Variants in EPHB2 observed in about 807,000 individuals in gnomAD.
The protein encoded by EPHB2 is EPH receptor B2, also known as ephrin type-B receptor 2.
EPHB2 carries 18 observed loss-of-function variants against 96.4 expected under a neutral mutation model. The ratio of observed to expected loss-of-function variants is 0.19; its 90% confidence interval spans 0.13 to 0.28. The LOEUF (loss-of-function observed/expected upper bound fraction) is 0.28, where lower values mean the gene tolerates loss of function less well. Ranked by LOEUF, EPHB2 falls within the 10% of genes least tolerant of loss-of-function variation. EPHB2 has a pLI of 1.00. For missense variants in EPHB2, 989 were observed against 1,355.4 expected (o/e 0.73, Z 4.25); for synonymous variants, 506 against 534.1 (o/e 0.95, Z 0.72).
chr1:22,760,982 T>A (rs1002266502), intron 1 of EPHB2, among the ~76,000 whole-genome samples: 1 of 152,158 alleles, frequency 6.6e-6, no homozygotes, highest in Non-Finnish European at 1.5e-5. Context: ...ATCCCAATGT[T>A]GAGCCAGGTG....
At chr1:22,828,751 C>T (rs1261887838) in intron 3 of EPHB2, among the ~76,000 whole-genome samples, 1 of 152,198 alleles carries the variant, frequency 6.6e-6, no homozygotes, top group Non-Finnish European at 1.5e-5. Context: ...ATGTTGCAAT[C>T]ATTTAATCAT....
At chr1:22,736,817 A>T (rs1318208221) in intron 1 of EPHB2, among the ~76,000 whole-genome samples, 1 of 152,074 alleles carries the variant, frequency 6.6e-6, no homozygotes, top group Non-Finnish European at 1.5e-5. Flanking sequence ...GCCTAGGAGG[A>T]TAATGGAGCT....
At chr1:22,786,602 C>T (rs1644614103) in intron 3 of EPHB2, among the ~76,000 whole-genome samples, 1 of 152,160 alleles carries the variant, frequency 6.6e-6, no homozygotes, top group Non-Finnish European at 1.5e-5. Flanking sequence ...TTCAAGATAC[C>T]TAGAAGGACA....
intron 1 of EPHB2, among the ~76,000 whole-genome samples, chr1:22,770,883 G>A (rs1242229673): frequency 6.6e-6 from 1 of 152,102 alleles, no homozygotes; most frequent in Non-Finnish European, 1.5e-5. Context: ...AGGGTGGGTA[G>A]GTGGATGGAT....
chr1:22,739,869 G>A (rs1331101652), intron 1 of EPHB2, among the ~76,000 whole-genome samples: 1 of 152,154 alleles, frequency 6.6e-6, no homozygotes, highest in African/African-American at 2.4e-5. Context: ...ATAACCTGAC[G>A]CTGCGGAAAG....
At chr1:22,767,820 C>T (rs1245127564) in intron 1 of EPHB2, among the ~76,000 whole-genome samples, 1 of 152,198 alleles carries the variant, frequency 6.6e-6, no homozygotes, top group African/African-American at 2.4e-5. Context: ...CATTGCCTCT[C>T]AGGGTACCAG....
chr1:22,850,487 A>T lies in EPHB2; in HGVS notation c.812-12550A>T, dbSNP rs549313305. ...CCACTACACCACCTGTCAATACAGC[A>T]GCCAGATGTGCGGGAGGGGCCTGGG... On this transcript the variant is annotated intron_variant, in intron 3 of 15. Transcript: ENST00000374630. Among the ~76,000 whole-genome samples, 3 of 152,322 alleles carry T rather than the reference A, an allele frequency of 2.0e-5. No individual in the cohort carries two copies. The East Asian group carries it at 5.8e-4, about 29-fold the overall frequency.
chr1:22,723,826 C>T (rs1208600650), intron 1 of EPHB2, among the ~76,000 whole-genome samples: 2 of 152,198 alleles, frequency 1.3e-5, no homozygotes, highest in African/African-American at 4.8e-5. Flanking sequence ...TTTACCAAGC[C>T]TCTCTCATCC....
At position 22,906,682 on chromosome 1, in the gene EPHB2, CCTGT is replaced by C. The variant is rs755166115; in HGVS notation, c.1889-21_1889-18del. 3.7e-6 allele frequency: 6 copies of C among 1,613,962 alleles called. No individual in the cohort carries two copies. The South Asian group carries it at 5.5e-5, about 15-fold the overall frequency. ...GGCCCTTCCACCTGGCAAGTGACATCCTGTCTGTCTTGGTGTTTCTCTCTCAGGG... is the reference window on the plus strand; with the variant it reads ...GGCCCTTCCACCTGGCAAGTGACATCCTGTCTTGGTGTTTCTCTCTCAGGG... On this transcript the variant is annotated intron_variant, in intron 10 of 15. Transcript: ENST00000374630. This position sits in a 1 kb window ranked among gnomAD's most constrained non-coding sequence, Gnocchi z 4.8.
chr1:22,740,668 C>T (rs774407393), intron 1 of EPHB2, among the ~76,000 whole-genome samples: 12 of 152,182 alleles, frequency 7.9e-5, no homozygotes, highest in Non-Finnish European at 1.3e-4. Context: ...ATTCCTGGAA[C>T]TCACCTGACC....
chr1:22,810,129 G>T (rs2817876), intron 3 of EPHB2, among the ~76,000 whole-genome samples: 15,851 of 152,140 alleles, frequency 0.1, 2,639 homozygotes, highest in African/African-American at 0.35. Context: ...GGTAAGATCG[G>T]TGGGGTTGGG....
At chr1:22,735,040 G>A (rs1643796189) in intron 1 of EPHB2, among the ~76,000 whole-genome samples, 1 of 152,182 alleles carries the variant, frequency 6.6e-6, no homozygotes, top group Non-Finnish European at 1.5e-5. Flanking sequence ...ACTGACTAAG[G>A]CTGCACAGCA....
intron 3 of EPHB2, among the ~76,000 whole-genome samples, chr1:22,801,202 C>T (rs1644838359): frequency 6.6e-6 from 1 of 152,184 alleles, no homozygotes; most frequent in Admixed American, 6.5e-5. Flanking sequence ...AAGCCCCTGC[C>T]AAGGCTGGAG....
At chr1:22,775,805 G>A (rs552669619) in intron 1 of EPHB2, among the ~76,000 whole-genome samples, 4 of 152,228 alleles carry the variant, frequency 2.6e-5, no homozygotes, top group Non-Finnish European at 5.9e-5. Context: ...TGAGGAAGAT[G>A]CTCTGGGCTG....
In EPHB2 at chr1:22,853,009, G is replaced by A. The variant is rs577547602; in HGVS notation, c.812-10028G>A. Among the ~76,000 whole-genome samples the A allele has an allele frequency of 2.6e-5, 4 of 152,218 alleles. No homozygotes were observed. In the South Asian group the frequency reaches 6.2e-4, roughly 24 times the overall value. ...GAGCTCAGAGGATTCCAGAGGCCTC[G>A]AGCAAAATCTCCAGTCCACACACAA... On this transcript the variant is annotated intron_variant, in intron 3 of 15. Transcript: ENST00000374630.
intron 3 of EPHB2, among the ~76,000 whole-genome samples, chr1:22,859,593 G>A (rs1012126807): frequency 3.9e-5 from 6 of 152,168 alleles, no homozygotes; most frequent in South Asian, 4.1e-4. Flanking sequence ...TCAGGAGTTC[G>A]TGACCAGCCT....
At chr1:22,724,532 A>C (rs1643539675) in intron 1 of EPHB2, among the ~76,000 whole-genome samples, 1 of 152,138 alleles carries the variant, frequency 6.6e-6, no homozygotes, top group African/African-American at 2.4e-5. Context: ...TGTTTTCTTC[A>C]TTTTCAGAGG....
intron 1 of EPHB2, among the ~76,000 whole-genome samples, 166 bp downstream of exon 1, chr1:22,711,209 C>T (rs933051361): frequency 3.4e-5 from 5 of 146,380 alleles, no homozygotes; most frequent in Non-Finnish European, 7.6e-5. Context: ...GAGGAGCGGG[C>T]CCCGCGGGCG....
Position 22,912,368 on chromosome 1 carries a change from A to G in EPHB2, c.2697-76A>G, listed in dbSNP as rs1043530605. On this transcript the variant is annotated intron_variant, in intron 14 of 15. Coordinates refer to ENST00000374630, the MANE Select transcript of EPHB2 (RefSeq NM_017449.5). ...CACACGTGCACATTCACGCATACGC[A>G]GCCTACAGGCATGTCCCTGCACGCT... 19 of 1,596,284 alleles carry G rather than the reference A, an allele frequency of 1.2e-5. No homozygotes were observed. In the African/African-American group the frequency reaches 2.0e-4, roughly 17 times the overall value.
Sources: gnomAD v4.1 joint callset for allele counts (sites outside exome capture counted in the v4.1 genomes callset) on GRCh38, gnomAD v4.1.1 for gene constraint, Gnocchi (gnomAD v3.1) non-coding constraint, MANE v1.5 for transcripts, NCBI Gene and HGNC (gene_info 2026-07-23, HGNC 2026-07-21) for gene names.